The following APP variants were observed in gnomAD, a reference collection of about 807,000 sequenced individuals.
The protein encoded by APP is amyloid-beta precursor protein.
Under a neutral mutation model 101.4 loss-of-function variants are expected in APP, and 31 were observed. The observed-to-expected ratio is 0.31, with a 90% confidence interval of 0.23 to 0.41. The LOEUF is 0.41. Among genes scored for constraint, APP ranks in the 10% least tolerant of loss-of-function variants. APP has a pLI of 1.00. For missense variants in APP, 839 were observed against 1,003.7 expected, an observed-to-expected ratio of 0.84 and a Z score of 2.22; for synonymous variants, 366 against 364.4, an observed-to-expected ratio of 1.00 and a Z score of -0.05.
intron 17 of APP, among the ~76,000 whole-genome samples, chr21:25,890,087 T>C (rs1271621427): frequency 6.6e-6 from 1 of 152,206 alleles, no homozygotes; most frequent in Non-Finnish European, 1.5e-5. Flanking sequence ...TCACAAAAGG[T>C]GCAATGGCCA....
intron 6 of APP, among the ~76,000 whole-genome samples, chr21:26,019,581 T>C (rs1313047986): frequency 6.6e-6 from 1 of 152,252 alleles, no homozygotes; most frequent in African/African-American, 2.4e-5. Flanking sequence ...TTAGCTGGTC[T>C]GTGTGTGCTC....
chr21:25,913,938 C>T (rs1042215440), intron 13 of APP, among the ~76,000 whole-genome samples: 3 of 152,124 alleles, frequency 2.0e-5, no homozygotes, highest in African/African-American at 7.2e-5. Flanking sequence ...TGTACTTCCC[C>T]AGCTTTGACT....
chr21:26,042,906 C>A (rs993441933), intron 5 of APP, among the ~76,000 whole-genome samples: 2 of 147,406 alleles, frequency 1.4e-5, no homozygotes, highest in Non-Finnish European at 3.0e-5. Flanking sequence ...ACAGCAAGAA[C>A]CTGTCTCCTA....
chr21:25,998,125 A>G (rs1048146860), intron 7 of APP, among the ~76,000 whole-genome samples: 1 of 152,088 alleles, frequency 6.6e-6, no homozygotes, highest in African/African-American at 2.4e-5. Context: ...AACCAAATAA[A>G]TCTCTTATTA....
chr21:26,058,937 C>T (rs1464543842), intron 3 of APP, among the ~76,000 whole-genome samples: 6 of 151,684 alleles, frequency 4.0e-5, no homozygotes, highest in African/African-American at 9.7e-5. Flanking sequence ...AAAAATTAGC[C>T]GGGCGTGGTA....
chr21:25,933,791 G>A (rs185013151), intron 13 of APP: 7 of 151,522 alleles, frequency 4.6e-5, no homozygotes, highest in Non-Finnish European at 5.9e-5. Flanking sequence ...CCAATTAAAT[G>A]TTATTATTTT....
intron 1 of APP, among the ~76,000 whole-genome samples, chr21:26,116,115 G>A (rs572855934): frequency 8.5e-5 from 13 of 152,150 alleles, no homozygotes; most frequent in Middle Eastern, 3.2e-3. Flanking sequence ...TGGGAAAACA[G>A]TGTTCCTGAC....
intron 4 of APP, among the ~76,000 whole-genome samples, chr21:26,051,536 C>A (rs999902643): frequency 6.6e-6 from 1 of 152,162 alleles, no homozygotes; most frequent in Non-Finnish European, 1.5e-5. Flanking sequence ...TGGCTTAATT[C>A]GTGTATCCAG....
Position 25,918,100 on chromosome 21 carries a change from C to T in APP, c.1688-6138G>A, listed in dbSNP as rs541481654. 5.9e-5 allele frequency among the ~76,000 whole-genome samples: 9 copies of T among 152,224 alleles called. No individual in the cohort carries two copies. The East Asian group carries it at 1.4e-3, about 23-fold the overall frequency. On this transcript the variant is annotated intron_variant, in intron 13 of 17. Coordinates refer to ENST00000346798, the MANE Select transcript of APP (RefSeq NM_000484.4). ...CTGTTGGTGAGAGTGTTAGTTCAAC[C>T]GTTGTGGAAGACAGTGAGGAGATTC...
intron 17 of APP, 92 bp from the exon 18 acceptor site, chr21:25,881,863 C>T: frequency 1.5e-6 from 2 of 1,298,396 alleles, no homozygotes; most frequent in South Asian, 1.2e-5. Flanking sequence ...GAGTACAGTA[C>T]TCTTCTTTTG....
chr21:26,134,658 T>C (rs923550540), intron 1 of APP, among the ~76,000 whole-genome samples: 5 of 152,220 alleles, frequency 3.3e-5, no homozygotes, highest in Non-Finnish European at 7.3e-5. Context: ...GAAAGCTTCA[T>C]TATGTAGGTA....
At chr21:26,111,629 T>G (rs1352451544) in intron 2 of APP, among the ~76,000 whole-genome samples, 1 of 151,860 alleles carries the variant, frequency 6.6e-6, no homozygotes, top group African/African-American at 2.4e-5. Context: ...TCCAGCTACT[T>G]GGGAGGCTGA....
chr21:26,092,642 A>G (rs953380111), intron 2 of APP, among the ~76,000 whole-genome samples: 8 of 152,222 alleles, frequency 5.3e-5, no homozygotes, highest in African/African-American at 1.9e-4. Flanking sequence ...CAAAAAATGT[A>G]TACCGCCAAG....
At chr21:26,089,757 C>A (rs2061782034) in intron 3 of APP, 186 bp downstream of exon 3, 7 of 780,926 alleles carry the variant, frequency 9.0e-6, no homozygotes, top group South Asian at 8.5e-5. Flanking sequence ...GCAGGGAACT[C>A]AAAAATACTG....
chr21:26,031,167 C>T (rs2146821731), intron 5 of APP, among the ~76,000 whole-genome samples: 1 of 152,300 alleles, frequency 6.6e-6, no homozygotes, highest in South Asian at 2.1e-4. Context: ...GCAGCAAGAA[C>T]TATGTGCCTG....
chr21:26,111,957 C>T (rs1263293694), intron 2 of APP, 22 bp downstream of exon 2: 2 of 1,613,710 alleles, frequency 1.2e-6, no homozygotes, highest in East Asian at 2.2e-5. Flanking sequence ...ACGTGAATTG[C>T]TAGCCACCGG....
chr21:26,110,579 A>C (rs1568987329), intron 2 of APP, among the ~76,000 whole-genome samples: 2 of 152,220 alleles, frequency 1.3e-5, no homozygotes, highest in Non-Finnish European at 2.9e-5. Flanking sequence ...ATATTGTGAT[A>C]ATGTAGATGC....
chr21:25,967,057 TTTAATGAAGAGTC>T (rs1423656561), intron 11 of APP, among the ~76,000 whole-genome samples: 1 of 152,222 alleles, frequency 6.6e-6, no homozygotes, highest in African/African-American at 2.4e-5. Context: ...AACCGTGCTC[TTTAATGAAGAGTC>T]TCACAGAATT....
chr21:25,891,807 C>A lies in APP; in HGVS notation c.2126G>T (p.Gly709Val), dbSNP rs544705359. 10 of 1,614,102 alleles carry A rather than the reference C, an allele frequency of 6.2e-6. No homozygotes were observed. The South Asian group carries it at 6.6e-5, about 11-fold the overall frequency. The change falls in exon 17 of 18, where the codon GGT becomes GTT. Residue 709 changes from glycine (G) to valine (V), a missense_variant. Gly to Val is a moderately radical substitution (Grantham distance 109). Coordinates refer to ENST00000346798, the MANE Select transcript of APP (RefSeq NM_000484.4). ...KGAIIGLMVG[G>V]VVIATVIVIT... is the part of the protein sequence containing the mutation. ...GACGATCACTGTCGCTATGACAACA[C>A]CGCCCACCATGAGTCCAATGATTGC...
Sources: allele counts gnomAD v4.1 joint callset (sites outside exome capture counted in the v4.1 genomes callset), GRCh38; gene constraint gnomAD v4.1.1; transcripts MANE v1.5; gene names NCBI Gene and HGNC (gene_info 2026-07-23, HGNC 2026-07-21).